NDST1: variants seen among roughly 807,000 people sequenced by gnomAD.
The protein encoded by NDST1 is bifunctional heparan sulfate N-deacetylase/N-sulfotransferase 1.
Under a neutral mutation model 92.8 loss-of-function variants are expected in NDST1, and 35 were observed. The observed-to-expected ratio is 0.38, with a 90% confidence interval of 0.29 to 0.50. The LOEUF (loss-of-function observed/expected upper bound fraction) is 0.50, where lower values mean the gene tolerates loss of function less well. Ranked by LOEUF, NDST1 falls within the 20% of genes least tolerant of loss-of-function variation. The probability of loss-of-function intolerance (pLI) is 0.94; values close to 1 mark genes in which losing one functional copy is unlikely to be tolerated. For missense variants in NDST1, 822 were observed against 1,182.7 expected, an observed-to-expected ratio of 0.69 and a Z score of 4.47; for synonymous variants, 493 against 500.3, an observed-to-expected ratio of 0.99 and a Z score of 0.19.
At chr5:150,540,689 A>G (rs1755208138) in intron 8 of NDST1, among the ~76,000 whole-genome samples, 1 of 152,134 alleles carries the variant, frequency 6.6e-6, no homozygotes, top group South Asian at 2.1e-4. Context: ...GATGGTGCGC[A>G]TCTATAGTCC....
intron 4 of NDST1, among the ~76,000 whole-genome samples, chr5:150,534,080 C>T (rs1754871416): frequency 6.7e-6 from 1 of 149,936 alleles, no homozygotes; most frequent in South Asian, 2.1e-4. Flanking sequence ...AAGACTCCAT[C>T]TCAAAACAAA....
chr5:150,545,833 G>A (rs896711528), intron 11 of NDST1, among the ~76,000 whole-genome samples: 3 of 152,120 alleles, frequency 2.0e-5, no homozygotes, highest in Admixed American at 6.5e-5. Context: ...CGCTGGACAC[G>A]GGTGGGAGTG....
chr5:150,515,674 T>C (rs1753925717), intron 1 of NDST1, among the ~76,000 whole-genome samples: 1 of 152,026 alleles, frequency 6.6e-6, no homozygotes, highest in African/African-American at 2.4e-5. Context: ...GGCTGGAATT[T>C]AGGGGAAACT....
rs1029075501 is a variant in NDST1, at chr5:150,524,442, C to T, written c.513+2675C>T. Among the ~76,000 whole-genome samples the T allele has an allele frequency of 3.3e-5, 5 of 152,350 alleles. No homozygotes were observed. In the East Asian group the frequency reaches 5.8e-4, roughly 18 times the overall value. ...CTGGATCCCTACTTCCTGGCACTGT[C>T]GTGCCTCAACCTTGAAATTCCAGGT... is the stretch of plus-strand genomic sequence containing the variant. On this transcript the variant is annotated intron_variant, in intron 2 of 14. Transcript: ENST00000261797.
intron 1 of NDST1, among the ~76,000 whole-genome samples, chr5:150,513,213 G>C (rs1753801914): frequency 6.6e-6 from 1 of 151,684 alleles, no homozygotes; most frequent in Non-Finnish European, 1.5e-5. Flanking sequence ...AAAATATGCT[G>C]GGCACAGTGG....
At chr5:150,540,873 G>A (rs193298344) in intron 8 of NDST1, among the ~76,000 whole-genome samples, 143 of 152,334 alleles carry the variant, frequency 9.4e-4, no homozygotes, top group African/African-American at 3.2e-3. Context: ...AAGTGAATGC[G>A]TTGTCTTGGT....
intron 11 of NDST1, among the ~76,000 whole-genome samples, chr5:150,547,206 T>G (rs1221190624): frequency 6.6e-6 from 1 of 152,206 alleles, no homozygotes; most frequent in Non-Finnish European, 1.5e-5. Context: ...CCCTATTCCT[T>G]TTTCTGTCCA....
Position 150,521,225 on chromosome 5 carries a change from C to A in NDST1, c.-30C>A. On this transcript the variant is annotated 5_prime_UTR_variant, in exon 2 of 15. Transcript: ENST00000261797. The surrounding 1 kb of genome is among the most constrained non-coding windows in gnomAD (Gnocchi z 5.9). Reference sequence around the variant, plus strand: ...CTTGGGGTAGCCAGGGCAGGCCGGGCCTCCGGTGGCCAAGGTCTCGGAGGC... The same window carrying A: ...CTTGGGGTAGCCAGGGCAGGCCGGGACTCCGGTGGCCAAGGTCTCGGAGGC... 1 of 1,593,492 alleles carries A rather than the reference C, an allele frequency of 6.3e-7. No homozygotes were observed.
intron 1 of NDST1, among the ~76,000 whole-genome samples, chr5:150,519,148 T>C (rs1754124795): frequency 6.6e-6 from 1 of 152,232 alleles, no homozygotes; most frequent in African/African-American, 2.4e-5. Context: ...CTAGGATTTG[T>C]GTTCTTGTGG....
chr5:150,521,777 A>C lies in NDST1; in HGVS notation c.513+10A>C. ...CATTGGCTTCTTCAAGGTACACAAG[A>C]AGCAGGGTCCCCGAGCAGTTCAGAG... On this transcript the variant is annotated intron_variant, in intron 2 of 14. Transcript: ENST00000261797. The surrounding 1 kb of genome is among the most constrained non-coding windows in gnomAD (Gnocchi z 5.9). 6.2e-7 allele frequency: 1 copy of C among 1,612,274 alleles called. No homozygotes were observed. The highest frequency in any genetic ancestry group is 8.5e-7 in the Non-Finnish European group (1 of 1,180,012).
chr5:150,539,978 AG>A, intron 7 of NDST1, 103 bp from the exon 8 acceptor site: 3 of 1,443,856 alleles, frequency 2.1e-6, no homozygotes, highest in Non-Finnish European at 2.9e-6. Flanking sequence ...ACTGGTCATC[AG>A]GAGCCTTGCA....
In NDST1 at chr5:150,521,230, G is replaced by A. The variant is rs549165376; in HGVS notation, c.-25G>A. 3.2e-5 allele frequency: 51 copies of A among 1,595,906 alleles called. No individual in the cohort carries two copies. The highest frequency in any genetic ancestry group is 2.8e-4 in the African/African-American group (21 of 74,678). ...GGTAGCCAGGGCAGGCCGGGCCTCCGGTGGCCAAGGTCTCGGAGGCCAGGA... is the reference window on the plus strand; with the variant it reads ...GGTAGCCAGGGCAGGCCGGGCCTCCAGTGGCCAAGGTCTCGGAGGCCAGGA... On this transcript the variant is annotated 5_prime_UTR_variant, in exon 2 of 15. Transcript: ENST00000261797. The surrounding 1 kb of genome is among the most constrained non-coding windows in gnomAD (Gnocchi z 5.9).
Position 150,521,912 on chromosome 5 carries a change from C to A in NDST1, c.513+145C>A. The A allele has an allele frequency of 5.4e-6, 6 of 1,102,218 alleles. No homozygotes were observed. The highest frequency in any genetic ancestry group is 5.3e-6 in the Non-Finnish European group (4 of 750,506). 68.3% of individuals were successfully genotyped at this position (1,102,218 alleles called of 1,614,324 possible). On this transcript the variant is annotated intron_variant, in intron 2 of 14. Coordinates refer to ENST00000261797, the MANE Select transcript of NDST1 (RefSeq NM_001543.5). The surrounding 1 kb of genome is among the most constrained non-coding windows in gnomAD (Gnocchi z 5.9). The stretch of plus-strand genomic sequence containing the variant: ...TAAATGAGTGAGTATATGTAAAGCA[C>A]TGGGAGCATGCGGTGCCCACTGCCT...
intron 4 of NDST1, among the ~76,000 whole-genome samples, chr5:150,533,830 C>T (rs1417071260): frequency 1.3e-5 from 2 of 151,984 alleles, no homozygotes; most frequent in East Asian, 1.9e-4. Flanking sequence ...CGCCTGTAAT[C>T]CCAGCACTTT....
chr5:150,505,187 C>T (rs146399882), upstream of NDST1, among the ~76,000 whole-genome samples: 63 of 152,308 alleles, frequency 4.1e-4, no homozygotes, highest in East Asian at 8.9e-3. Flanking sequence ...GGCAGCTGGC[C>T]GGGCTGGAGG....
At chr5:150,552,877 G>A (rs904307417) in intron 14 of NDST1, among the ~76,000 whole-genome samples, 7 of 151,838 alleles carry the variant, frequency 4.6e-5, no homozygotes, top group South Asian at 2.1e-4. Flanking sequence ...ACGGAGTTTC[G>A]CTTTTGTCAC....
At chr5:150,500,739 T>C (rs1753192936) in intron 1 of NDST1, among the ~76,000 whole-genome samples, 1 of 152,256 alleles carries the variant, frequency 6.6e-6, no homozygotes, top group Non-Finnish European at 1.5e-5. Flanking sequence ...GCTCTCCTGC[T>C]GTGTGGTCCT....
At chr5:150,509,430 G>A (rs573476283) in intron 1 of NDST1, among the ~76,000 whole-genome samples, 10 of 152,310 alleles carry the variant, frequency 6.6e-5, no homozygotes, top group African/African-American at 2.2e-4. Context: ...TGTCCTTTGC[G>A]GTGCCCTGCT....
At chr5:150,527,574 G>A (rs1211096815) in intron 2 of NDST1, among the ~76,000 whole-genome samples, 1 of 152,222 alleles carries the variant, frequency 6.6e-6, no homozygotes, top group African/African-American at 2.4e-5. Flanking sequence ...AGGATTAACA[G>A]CATTCCTGTC....
Sources: allele counts gnomAD v4.1 joint callset (sites outside exome capture counted in the v4.1 genomes callset), GRCh38; gene constraint gnomAD v4.1.1; non-coding constraint Gnocchi (gnomAD v3.1); transcripts MANE v1.5; gene names NCBI Gene and HGNC (gene_info 2026-07-23, HGNC 2026-07-21).